Variants in PRCD observed in about 807,000 individuals in gnomAD.
PRCD encodes the protein photoreceptor disc component.
In PRCD, 12 loss-of-function variants were observed where a neutral mutation model predicts 10.1. That is an observed-to-expected ratio of 1.18 (90% CI 0.76 to 1.92). PRCD has a LOEUF of 1.92. Among genes scored for constraint, PRCD ranks in the 40% most tolerant of loss-of-function variants. The probability of loss-of-function intolerance (pLI) is 0.00; values close to 1 mark genes in which losing one functional copy is unlikely to be tolerated. For missense variants in PRCD, 61 were observed against 72.2 expected (o/e 0.84, Z 0.56); for synonymous variants, 31 against 26.2 (o/e 1.18, Z -0.56).
At chr17:76,550,272 T>A (rs1413570693), downstream of PRCD, 1 of 149,596 alleles carries the variant, frequency 6.7e-6, no homozygotes, top group Non-Finnish European at 1.5e-5. Flanking sequence ...GTTCTTTTTT[T>A]TTTTTTGAGA....
chr17:76,540,429 C>T lies in PRCD; in HGVS notation c.75-76C>T, dbSNP rs1567911160. On this transcript the variant is annotated intron_variant, in intron 1 of 4. Coordinates refer to ENST00000592014, the MANE Select transcript of PRCD (RefSeq NM_001077620.3). This position sits in a 1 kb window ranked among gnomAD's most constrained non-coding sequence, Gnocchi z 5.0. ...CAGCCTCTACTCCCATAGCCCAATG[C>T]GGCCTGGACCTGTGGAGGGACAGTG... 6 of 1,509,668 alleles carry T rather than the reference C, an allele frequency of 4.0e-6. No homozygotes were observed. The highest frequency in any genetic ancestry group is 1.1e-5 in the South Asian group (1 of 88,862). The allele number at this position is 1,509,668 out of a possible 1,614,324, so 93.5% of individuals were successfully genotyped here.
At chr17:76,553,098 T>C (rs2075127025) in intron 1 of PRCD, 1 of 151,976 alleles carries the variant, frequency 6.6e-6, no homozygotes, top group African/African-American at 2.4e-5. Context: ...CTCTCTACTC[T>C]GCCATCGCAG....
At chr17:76,534,076 C>T (rs2074881647) in intron 1 of PRCD, among the ~76,000 whole-genome samples, 1 of 131,428 alleles carries the variant, frequency 7.6e-6, no homozygotes. Flanking sequence ...TGCTGTGTTA[C>T]AATGTTATTG....
chr17:76,552,897 TAAAAATATATATATATAA>T (rs2075123573), intron 1 of PRCD: 1 of 121,756 alleles, frequency 8.2e-6, no homozygotes, highest in African/African-American at 3.5e-5. Context: ...TATATATATA[TAAAAATATATATATATAA>T]AACATGTATA....
chr17:76,530,142 G>GAATGTT lies in PRCD; in HGVS notation n.45+2309_45+2310insAATGTT. On this transcript the variant is annotated intron_variant and non_coding_transcript_variant, in intron 1 of 4. Transcript: ENST00000397633. The surrounding 1 kb of genome is among the most constrained non-coding windows in gnomAD (Gnocchi z 6.1). ...CCACGGGAATGTTTCTCTACCACGC[G>GAATGTT]TGTCCCGGGCTGCTGGCTGACCTCT... is the stretch of plus-strand genomic sequence containing the variant. 2 of 965,480 alleles carry GAATGTT rather than the reference G, an allele frequency of 2.1e-6. No individual in the cohort carries two copies. Among genetic ancestry groups the GAATGTT allele is most frequent in the Non-Finnish European group, 2.5e-6 (2 of 811,884 alleles). 59.8% of individuals were successfully genotyped at this position (965,480 alleles called of 1,614,324 possible).
chr17:76,531,166 G>T lies in PRCD; in HGVS notation n.45+3333G>T, dbSNP rs1252157555. 4.4e-6 allele frequency: 7 copies of T among 1,605,644 alleles called. No individual in the cohort carries two copies. Among genetic ancestry groups the T allele is most frequent in the Admixed American group, 3.4e-5 (2 of 59,524 alleles). ...ATCTGGGGGCAAAGGGAGGAAGGGG[G>T]AGTGAACGCCCGGGCGCCCTGCGTC... On this transcript the variant is annotated intron_variant and non_coding_transcript_variant, in intron 1 of 4. Transcript: ENST00000397633. This position sits in a 1 kb window ranked among gnomAD's most constrained non-coding sequence, Gnocchi z 7.4.
At chr17:76,553,211 G>A (rs1405242314) in exon 2 of PRCD, 1 of 152,184 alleles carries the variant, frequency 6.6e-6, no homozygotes, top group East Asian at 1.9e-4. Flanking sequence ...AGAGGCTGTT[G>A]TTTTTAAAAG....
upstream of PRCD, among the ~76,000 whole-genome samples, chr17:76,536,586 G>T (rs1000313371): frequency 6.6e-6 from 1 of 152,170 alleles, no homozygotes; most frequent in Non-Finnish European, 1.5e-5. Flanking sequence ...TATAAGGATG[G>T]TGTGTGTGCT....
chr17:76,548,269 TAAAC>T (rs546077230), downstream of PRCD, among the ~76,000 whole-genome samples: 6 of 151,918 alleles, frequency 3.9e-5, no homozygotes, highest in Admixed American at 3.3e-4. Flanking sequence ...CAGATACACA[TAAAC>T]ATACATACAC....
rs558368133 is a variant in PRCD at position 76,531,953 on chromosome 17, C to T, written n.45+4120C>T. 2.7e-4 allele frequency: 101 copies of T among 380,498 alleles called. 1 individual carries two copies. In the South Asian group the frequency reaches 4.0e-3, roughly 15 times the overall value. The allele number at this position is 380,498 out of a possible 1,614,324, so 23.6% of individuals were successfully genotyped here. Reference sequence around the variant, plus strand: ...TCATCTCCTAGGCCTCTGTCTTCCTCGCTTCTTGCTTCCTTCCCAAACTCT... The same window carrying T: ...TCATCTCCTAGGCCTCTGTCTTCCTTGCTTCTTGCTTCCTTCCCAAACTCT... On this transcript the variant is annotated intron_variant and non_coding_transcript_variant, in intron 1 of 4. Coordinates refer to the PRCD transcript ENST00000397633. This position sits in a 1 kb window ranked among gnomAD's most constrained non-coding sequence, Gnocchi z 7.4.
In PRCD at chr17:76,542,643, G is replaced by A; in HGVS notation, c.*59+10G>A. The A allele has an allele frequency of 6.3e-7, 1 of 1,585,926 alleles. No individual in the cohort carries two copies. Among genetic ancestry groups the A allele is most frequent in the Non-Finnish European group, 8.7e-7 (1 of 1,154,500 alleles). On this transcript the variant is annotated intron_variant, in intron 3 of 4. Transcript: ENST00000592014. The stretch of plus-strand genomic sequence containing the variant: ...CAGCTGGCTCAGGCAGGTAGGGCAG[G>A]GCTGGGAGCCGGGGAGGGCAGAGGG...
rs1182333865 is a variant in PRCD, at chr17:76,545,072, T to TAGA, written c.*1422_*1423insAGA. Reference sequence around the variant, plus strand: ...ATGTGGGCCGGGTGGGGGGGCTGTCTCCCCCAGGGAGCAGGCTGGCTTTGG... The same window carrying TAGA: ...ATGTGGGCCGGGTGGGGGGGCTGTCTAGACCCCCAGGGAGCAGGCTGGCTTTGG... On this transcript the variant is annotated 3_prime_UTR_variant, in exon 5 of 5. Coordinates refer to ENST00000592014, the MANE Select transcript of PRCD (RefSeq NM_001077620.3). The TAGA allele has an allele frequency of 2.2e-6, 1 of 451,824 alleles. No individual in the cohort carries two copies. The highest frequency in any genetic ancestry group is 2.4e-5 in the Admixed American group (1 of 42,508). The allele number at this position is 451,824 out of a possible 1,614,324, so 28.0% of individuals were successfully genotyped here. A position where few individuals can be genotyped will look rare whatever the true frequency, so the allele number is the denominator to read the frequency against.
intron 1 of PRCD, among the ~76,000 whole-genome samples, chr17:76,532,981 G>A (rs1456963460): frequency 6.6e-6 from 1 of 152,204 alleles, no homozygotes; most frequent in African/African-American, 2.4e-5. Context: ...AGGTTGTTCT[G>A]CCCCTTCGTG....
chr17:76,542,943 C>T (rs3803740), intron 3 of PRCD, 86 bp from the exon 4 acceptor site: 92,277 of 535,084 alleles, frequency 0.17, 9,183 homozygotes, highest in East Asian at 0.35. Flanking sequence ...AAGGGAGAGG[C>T]GGTGCTCGGA....
chr17:76,540,250 T>TGAGGGGGGGGGGGGG lies in PRCD; in HGVS notation c.74+35_74+36insGAGGGGGGGGGGGGG. On this transcript the variant is annotated intron_variant, in intron 1 of 4. Transcript: ENST00000592014. This position sits in a 1 kb window ranked among gnomAD's most constrained non-coding sequence, Gnocchi z 5.0. ...TGACCGGGCTATGGCTGGCGGTTGG[T>TGAGGGGGGGGGGGGG]CGGGGGGGGGGGGCATGGGGCTGGG... 2.2e-6 allele frequency: 1 copy of TGAGGGGGGGGGGGGG among 463,682 alleles called. No individual in the cohort carries two copies. Among genetic ancestry groups the TGAGGGGGGGGGGGGG allele is most frequent in the Non-Finnish European group, 3.6e-6 (1 of 276,418 alleles). 28.7% of individuals were successfully genotyped at this position (463,682 alleles called of 1,614,324 possible).
chr17:76,552,881 A>AAT (rs1555625892), intron 1 of PRCD: 37 of 96,920 alleles, frequency 3.8e-4, no homozygotes, highest in African/African-American at 1.4e-3. Context: ...AAAAAAAAAA[A>AAT]ATATATATAT....
chr17:76,537,170 T>G (rs1478721725), upstream of PRCD, among the ~76,000 whole-genome samples: 2 of 152,186 alleles, frequency 1.3e-5, no homozygotes, highest in Non-Finnish European at 2.9e-5. Context: ...GGTGCTCTCC[T>G]GCATCTGGTT....
rs916583718 is a variant in PRCD at position 76,534,111 on chromosome 17, C to CTTCT, written n.45+6295_45+6298dup. 2.4e-3 allele frequency among the ~76,000 whole-genome samples: 349 copies of CTTCT among 144,696 alleles called. 11 individuals carry two copies. In the East Asian group the frequency reaches 0.037, roughly 15 times the overall value. 94.9% of individuals were successfully genotyped at this position (144,696 alleles called of 152,430 possible). On this transcript the variant is annotated intron_variant and non_coding_transcript_variant, in intron 1 of 4. Coordinates refer to the PRCD transcript ENST00000397633. Reference sequence around the variant, plus strand: ...GTACCTTTTTTCTTTTTCTTTCTTTCTTCTTTCTTTCTTTCTTTCTCTCTC... The same window carrying CTTCT: ...GTACCTTTTTTCTTTTTCTTTCTTTCTTCTTTCTTTCTTTCTTTCTTTCTCTCTC...
Position 76,531,833 on chromosome 17 carries a change from G to C in PRCD, n.45+4000G>C, listed in dbSNP as rs2074848713. The C allele has an allele frequency of 4.4e-6, 3 of 684,092 alleles. No individual in the cohort carries two copies. The highest frequency in any genetic ancestry group is 7.3e-6 in the Non-Finnish European group (3 of 409,514). The allele number at this position is 684,092 out of a possible 1,614,324, so 42.4% of individuals were successfully genotyped here. On this transcript the variant is annotated intron_variant and non_coding_transcript_variant, in intron 1 of 4. Coordinates refer to the PRCD transcript ENST00000397633. The surrounding 1 kb of genome is among the most constrained non-coding windows in gnomAD (Gnocchi z 7.4). ...GTCACTGTTTTCACTACCATCAGTA[G>C]ACCTCAGCATAGACCCTCCTCCCTC...
Sources: gnomAD v4.1 joint callset for allele counts (sites outside exome capture counted in the v4.1 genomes callset) on GRCh38, gnomAD v4.1.1 for gene constraint, Gnocchi (gnomAD v3.1) non-coding constraint, MANE v1.5 for transcripts, NCBI Gene and HGNC (gene_info 2026-07-23, HGNC 2026-07-21) for gene names.